Variants in NKAIN2 observed in about 807,000 individuals in gnomAD.
NKAIN2 encodes sodium/potassium-transporting ATPase subunit beta-1-interacting protein 2.
NKAIN2 carries 14 observed loss-of-function variants against 32.6 expected under a neutral mutation model. The observed-to-expected ratio is 0.43, with a 90% CI of 0.28 to 0.67. The LOEUF (loss-of-function observed/expected upper bound fraction) is 0.67, where lower values mean the gene tolerates loss of function less well. Among genes scored for constraint, NKAIN2 ranks in the 30% least tolerant of loss-of-function variants. The pLI is 0.17. For missense variants in NKAIN2, 198 were observed against 258.3 expected, an observed-to-expected ratio of 0.77 and a Z score of 1.60; for synonymous variants, 80 against 87.2, an observed-to-expected ratio of 0.92 and a Z score of 0.46.
intron 2 of NKAIN2, among the ~76,000 whole-genome samples, chr6:124,318,751 G>C (rs1200618431): frequency 6.6e-6 from 1 of 151,954 alleles, no homozygotes; most frequent in Non-Finnish European, 1.5e-5. Flanking sequence ...AGAAACAAGA[G>C]TGCAGCCATT....
At chr6:124,106,514 A>T (rs965592240) in intron 1 of NKAIN2, among the ~76,000 whole-genome samples, 2 of 152,214 alleles carry the variant, frequency 1.3e-5, no homozygotes, top group Admixed American at 6.5e-5. Flanking sequence ...CTTTGTACTA[A>T]GATGAAAGTC....
chr6:124,620,062 C>CT (rs1783050882), intron 3 of NKAIN2, among the ~76,000 whole-genome samples: 1 of 152,144 alleles, frequency 6.6e-6, no homozygotes, highest in African/African-American at 2.4e-5. Flanking sequence ...TTATAGATGC[C>CT]TGTAAATATC....
intron 1 of NKAIN2, among the ~76,000 whole-genome samples, chr6:123,901,011 CTGCGTAT>C (rs1362973995): frequency 3.3e-5 from 5 of 152,160 alleles, no homozygotes; most frequent in African/African-American, 1.2e-4. Context: ...TTGATTTACC[CTGCGTAT>C]CATTCCATTG....
At chr6:124,579,328 TTTTGAGG>T (rs1236264437) in intron 3 of NKAIN2, among the ~76,000 whole-genome samples, 6 of 152,206 alleles carry the variant, frequency 3.9e-5, no homozygotes, top group African/African-American at 1.4e-4. Flanking sequence ...GAAATGGCTG[TTTTGAGG>T]AAACTCAGTG....
intron 4 of NKAIN2, among the ~76,000 whole-genome samples, chr6:124,679,579 T>TA (rs1165385067): frequency 6.6e-6 from 1 of 152,188 alleles, no homozygotes; most frequent in Non-Finnish European, 1.5e-5. Flanking sequence ...AGCAGTCTCT[T>TA]AACTGGTTTG....
In NKAIN2 at chr6:124,481,188, T is replaced by TCC. The variant is rs56028964; in HGVS notation, c.273+125842_273+125843insCC. ...AGAGTTACTTTTTTTTTTTTTTTTTTCACAGTGGAACACCCAATGAAAAGA... is the reference window on the plus strand; with the variant it reads ...AGAGTTACTTTTTTTTTTTTTTTTTTCCCACAGTGGAACACCCAATGAAAAGA... On this transcript the variant is annotated intron_variant, in intron 3 of 6. Coordinates refer to ENST00000368417, the MANE Select transcript of NKAIN2 (RefSeq NM_001040214.3). 1.2e-4 allele frequency among the ~76,000 whole-genome samples: 17 copies of TCC among 144,896 alleles called. No individual in the cohort carries two copies. In the South Asian group the frequency reaches 2.4e-3, roughly 21 times the overall value.
chr6:124,564,765 A>G (rs1474989022), intron 3 of NKAIN2, among the ~76,000 whole-genome samples: 2 of 152,208 alleles, frequency 1.3e-5, no homozygotes, highest in African/African-American at 4.8e-5. Context: ...TTAAATTCCT[A>G]TAAGCCCTGG....
At chr6:124,229,653 T>C (rs1413298187) in intron 1 of NKAIN2, among the ~76,000 whole-genome samples, 2 of 152,188 alleles carry the variant, frequency 1.3e-5, no homozygotes, top group South Asian at 2.1e-4. Flanking sequence ...TGGGAGATAA[T>C]TGAACCATGG....
At chr6:124,573,657 G>C (rs78531275) in intron 3 of NKAIN2, among the ~76,000 whole-genome samples, 39 of 151,972 alleles carry the variant, frequency 2.6e-4, no homozygotes, top group Admixed American at 9.2e-4. Context: ...GCAGAATAAT[G>C]TAGCGCAGCC....
At chr6:124,564,835 G>A (rs938874762) in intron 3 of NKAIN2, among the ~76,000 whole-genome samples, 3 of 152,160 alleles carry the variant, frequency 2.0e-5, no homozygotes, top group African/African-American at 7.2e-5. Flanking sequence ...GTTGCAGAAA[G>A]GCAAGACCCG....
At chr6:124,120,756 A>C (rs1562369613) in intron 1 of NKAIN2, among the ~76,000 whole-genome samples, 3 of 152,164 alleles carry the variant, frequency 2.0e-5, no homozygotes, top group Non-Finnish European at 4.4e-5. Context: ...TGAGCTTTTA[A>C]ATGTAAAACC....
intron 1 of NKAIN2, among the ~76,000 whole-genome samples, chr6:124,180,405 T>G (rs1222755237): frequency 1.3e-5 from 2 of 152,084 alleles, no homozygotes; most frequent in Non-Finnish European, 2.9e-5. Context: ...TGAGACTTAT[T>G]CACTACCATG....
intron 2 of NKAIN2, among the ~76,000 whole-genome samples, chr6:124,309,240 A>G (rs1796625008): frequency 6.6e-6 from 1 of 152,140 alleles, no homozygotes; most frequent in Non-Finnish European, 1.5e-5. Flanking sequence ...AGGGTAAATC[A>G]TTCCCTCAAT....
chr6:124,520,040 T>C (rs7756688), intron 3 of NKAIN2, among the ~76,000 whole-genome samples: 2,221 of 152,150 alleles, frequency 0.015, 54 homozygotes, highest in African/African-American at 0.051. Flanking sequence ...CACAGACAAG[T>C]AAGTATCAAG....
chr6:124,805,328 G>A (rs1339818692), intron 5 of NKAIN2, among the ~76,000 whole-genome samples: 2 of 152,158 alleles, frequency 1.3e-5, no homozygotes, highest in Non-Finnish European at 2.9e-5. Flanking sequence ...GGCATTCGCG[G>A]TTCACAAAAA....
chr6:124,622,496 A>G (rs942107237), intron 3 of NKAIN2, among the ~76,000 whole-genome samples: 2 of 152,200 alleles, frequency 1.3e-5, no homozygotes, highest in Non-Finnish European at 2.9e-5. Flanking sequence ...CCTTGCTGTC[A>G]GCAGACAGCT....
chr6:124,641,379 C>G (rs1426606702), intron 3 of NKAIN2, among the ~76,000 whole-genome samples: 1 of 151,874 alleles, frequency 6.6e-6, no homozygotes, highest in Non-Finnish European at 1.5e-5. Context: ...GAAATAATGG[C>G]CTTTGTTGGT....
intron 1 of NKAIN2, among the ~76,000 whole-genome samples, chr6:123,888,133 A>C (rs1286348361): frequency 6.6e-6 from 1 of 152,112 alleles, no homozygotes; most frequent in Non-Finnish European, 1.5e-5. Flanking sequence ...TAGAGTAAAA[A>C]CAATCTAGAC....
chr6:124,787,546 T>A (rs1032117238), intron 4 of NKAIN2, among the ~76,000 whole-genome samples: 11 of 151,710 alleles, frequency 7.3e-5, no homozygotes, highest in Non-Finnish European at 1.5e-4. Context: ...GGAAAATGAG[T>A]TAAGGAACAG....
Sources: allele counts gnomAD v4.1 joint callset (sites outside exome capture counted in the v4.1 genomes callset), GRCh38; gene constraint gnomAD v4.1.1; transcripts MANE v1.5; gene names NCBI Gene and HGNC (gene_info 2026-07-23, HGNC 2026-07-21).